The following BAG2 variants were observed in gnomAD, a reference collection of about 807,000 sequenced individuals.
BAG2 encodes the protein BAG family molecular chaperone regulator 2.
In BAG2, 8 loss-of-function variants were observed where a neutral mutation model predicts 16.4. The observed-to-expected ratio is 0.49, with a 90% CI of 0.29 to 0.88. The LOEUF is 0.88. Among genes scored for constraint, BAG2 ranks in the 40% least tolerant of loss-of-function variants. The pLI is 0.09. For synonymous variants in BAG2, 82 were observed against 89.2 expected (o/e 0.92, Z 0.46); for missense variants, 218 against 248.9 (o/e 0.88, Z 0.84).
Position 57,187,690 on chromosome 6 carries a change from AG to A in BAG2, c.*3502del, listed in dbSNP as rs1764654618. The A allele has an allele frequency of 6.6e-6, 1 of 152,188 alleles. No individual in the cohort carries two copies. Among genetic ancestry groups the A allele is most frequent in the African/African-American group, 2.4e-5 (1 of 41,452 alleles). 9.4% of individuals were successfully genotyped at this position (152,188 alleles called of 1,614,324 possible). A position where few individuals can be genotyped will look rare whatever the true frequency, so the allele number is the denominator to read the frequency against. ...GTCCTAAGGCCAACTCCCTATTCTA[AG>A]GTCTTCAGAAAAGGTCCAGTTTCCT... is the stretch of plus-strand genomic sequence containing the variant. On this transcript the variant is annotated 3_prime_UTR_variant, in exon 3 of 3. Transcript: ENST00000370693.
intron 1 of BAG2, among the ~76,000 whole-genome samples, chr6:57,179,261 ATTAG>A (rs990194321): frequency 1.3e-5 from 2 of 152,216 alleles, no homozygotes; most frequent in Non-Finnish European, 2.9e-5. Flanking sequence ...TTGCATTACT[ATTAG>A]TTAGTAGAAT....
Position 57,184,214 on chromosome 6 carries a change from A to T in BAG2, c.*24A>T. On this transcript the variant is annotated 3_prime_UTR_variant, in exon 3 of 3. Transcript: ENST00000370693. ...AGTCTTCAAACCTAAGAGCATTTACACAATACACAAGGTGTAAAAATGATA... is the reference window on the plus strand; with the variant it reads ...AGTCTTCAAACCTAAGAGCATTTACTCAATACACAAGGTGTAAAAATGATA... 1 of 1,512,850 alleles carries T rather than the reference A, an allele frequency of 6.6e-7. No individual in the cohort carries two copies. 93.7% of individuals were successfully genotyped at this position (1,512,850 alleles called of 1,614,324 possible). A position where few individuals can be genotyped will look rare whatever the true frequency, so the allele number is the denominator to read the frequency against.
rs752438009 is a variant in BAG2 at position 57,172,708 on chromosome 6, C to T, written c.11C>T (p.Ala4Val). Reference protein sequence around the residue: MAQAKINAKANEGR... With the variant: MAQVKINAKANEGR... The stretch of plus-strand genomic sequence containing the variant: ...GCGTCGGAGGCTTAGATGGCTCAGG[C>T]GAAGATCAACGCTAAAGCCAACGAG... Residue 4 changes from alanine to valine, a missense_variant, in exon 1 of 3, where the codon GCG becomes GTG. Physicochemically the swap from Ala to Val is moderately conservative, Grantham distance 64. Coordinates refer to ENST00000370693, the MANE Select transcript of BAG2 (RefSeq NM_004282.4). The T allele has an allele frequency of 8.8e-5, 138 of 1,569,320 alleles. No individual in the cohort carries two copies. The highest frequency in any genetic ancestry group is 1.1e-4 in the Non-Finnish European group (125 of 1,160,830).
Position 57,186,027 on chromosome 6 carries a change from TGGGG to T in BAG2, c.*1838_*1841del, listed in dbSNP as rs1764604084. ...CTATGATCCACATTTCCAAGCTGCTTGGGGTCCCTGGTTTACAGTGTCTCCAGCA... is the reference window on the plus strand; with the variant it reads ...CTATGATCCACATTTCCAAGCTGCTTTCCCTGGTTTACAGTGTCTCCAGCA... On this transcript the variant is annotated 3_prime_UTR_variant, in exon 3 of 3. Transcript: ENST00000370693. 6.6e-6 allele frequency: 1 copy of T among 152,142 alleles called. No homozygotes were observed. Among genetic ancestry groups the T allele is most frequent in the African/African-American group, 2.4e-5 (1 of 41,422 alleles). 9.4% of individuals were successfully genotyped at this position (152,142 alleles called of 1,614,324 possible).
intron 2 of BAG2, among the ~76,000 whole-genome samples, chr6:57,182,576 G>C: frequency 6.7e-6 from 1 of 149,676 alleles, no homozygotes. Flanking sequence ...AACATAAAGA[G>C]AAGGGACAAA....
intron 1 of BAG2, among the ~76,000 whole-genome samples, chr6:57,177,218 C>G (rs1764306359): frequency 6.6e-6 from 1 of 152,024 alleles, no homozygotes; most frequent in Non-Finnish European, 1.5e-5. Flanking sequence ...GAGTTTGAGA[C>G]CAGCCTGTCC....
Position 57,172,441 on chromosome 6 carries a change from C to A in BAG2, c.-257C>A. The stretch of plus-strand genomic sequence containing the variant: ...TCGGCCCATCCTCGAGCCCGTGTGG[C>A]TCGCGAACCTCTAACTCCAGCCGCT... On this transcript the variant is annotated 5_prime_UTR_variant, in exon 1 of 3. Transcript: ENST00000370693. 1 of 294,510 alleles carries A rather than the reference C, an allele frequency of 3.4e-6. No individual in the cohort carries two copies. The highest frequency in any genetic ancestry group is 6.3e-6 in the Non-Finnish European group (1 of 158,888). The allele number at this position is 294,510 out of a possible 1,614,324, so 18.2% of individuals were successfully genotyped here.
intron 1 of BAG2, among the ~76,000 whole-genome samples, chr6:57,176,702 C>T (rs923184786): frequency 6.6e-6 from 1 of 152,178 alleles, no homozygotes; most frequent in African/African-American, 2.4e-5. Context: ...AGGGATCATT[C>T]GTCTGGCTTA....
rs966455204 is a variant in BAG2 at position 57,184,772 on chromosome 6, A to G, written c.*582A>G. 2.6e-5 allele frequency: 4 copies of G among 152,692 alleles called. No homozygotes were observed. Among genetic ancestry groups the G allele is most frequent in the African/African-American group, 9.6e-5 (4 of 41,476 alleles). The allele number at this position is 152,692 out of a possible 1,614,324, so 9.5% of individuals were successfully genotyped here. ...ATTTTTTGATATACAAGAAACTGACATAAAATGTGAGAAAACCACCTATAA... is the reference window on the plus strand; with the variant it reads ...ATTTTTTGATATACAAGAAACTGACGTAAAATGTGAGAAAACCACCTATAA... On this transcript the variant is annotated 3_prime_UTR_variant, in exon 3 of 3. Coordinates refer to ENST00000370693, the MANE Select transcript of BAG2 (RefSeq NM_004282.4).
chr6:57,178,822 A>T (rs1255929569), intron 1 of BAG2, among the ~76,000 whole-genome samples: 1 of 152,210 alleles, frequency 6.6e-6, no homozygotes, highest in Non-Finnish European at 1.5e-5. Flanking sequence ...AAACTTTAGC[A>T]GTTCCACCTA....
chr6:57,174,119 C>T, intron 1 of BAG2: 1 of 868,442 alleles, frequency 1.2e-6, no homozygotes, highest in Non-Finnish European at 1.4e-6. Context: ...CTGACCGTTC[C>T]ACTCCCAGAA....
intron 1 of BAG2, chr6:57,174,392 T>C (rs1045160043): frequency 7.7e-7 from 1 of 1,304,048 alleles, no homozygotes; most frequent in African/African-American, 1.5e-5. Context: ...ATGCCTCACA[T>C]GTGGTAGGTA....
chr6:57,181,490 G>C (rs1196656925), intron 1 of BAG2, among the ~76,000 whole-genome samples: 3 of 152,070 alleles, frequency 2.0e-5, no homozygotes, highest in South Asian at 2.1e-4. Context: ...CCAGCAGTTT[G>C]AGACCAGCCT....
chr6:57,174,124 C>G (rs1230875727), intron 1 of BAG2: 2 of 928,476 alleles, frequency 2.2e-6, no homozygotes, highest in Non-Finnish European at 2.7e-6. Flanking sequence ...CGTTCCACTC[C>G]CAGAAAAAGT....
chr6:57,183,750 T>G (rs371050974), intron 2 of BAG2, 28 bp from the exon 3 acceptor site: 1 of 1,496,042 alleles, frequency 6.7e-7, no homozygotes, highest in Non-Finnish European at 8.9e-7. Flanking sequence ...TTGACACAGA[T>G]AAGTTTACAT....
At chr6:57,181,370 T>C (rs1385070158) in intron 1 of BAG2, among the ~76,000 whole-genome samples, 2 of 152,200 alleles carry the variant, frequency 1.3e-5, no homozygotes, top group African/African-American at 2.4e-5. Context: ...TGGAGTATTA[T>C]ACAGCAATTA....
chr6:57,187,507 C>CTCA lies in BAG2; in HGVS notation c.*3321_*3323dup, dbSNP rs1562645283. Reference sequence around the variant, plus strand: ...GGTGCCATGTGGAACAAGCTTTCACCTCATCAATGCATTTTGTTTTCAGAG... The same window carrying CTCA: ...GGTGCCATGTGGAACAAGCTTTCACCTCATCATCAATGCATTTTGTTTTCAGAG... On this transcript the variant is annotated 3_prime_UTR_variant, in exon 3 of 3. Coordinates refer to ENST00000370693, the MANE Select transcript of BAG2 (RefSeq NM_004282.4). The CTCA allele has an allele frequency of 1.3e-5, 2 of 152,086 alleles. No homozygotes were observed. The highest frequency in any genetic ancestry group is 6.6e-5 in the Admixed American group (1 of 15,266). 9.4% of individuals were successfully genotyped at this position (152,086 alleles called of 1,614,324 possible).
At chr6:57,175,798 G>A (rs1764267467) in intron 1 of BAG2, among the ~76,000 whole-genome samples, 1 of 152,152 alleles carries the variant, frequency 6.6e-6, no homozygotes, top group Non-Finnish European at 1.5e-5. Flanking sequence ...CATGTCCTTT[G>A]TAATACCCTT....
chr6:57,179,586 A>G (rs1330517192), intron 1 of BAG2, among the ~76,000 whole-genome samples: 2 of 152,132 alleles, frequency 1.3e-5, no homozygotes, highest in African/African-American at 4.8e-5. Flanking sequence ...TCTTTCATGA[A>G]CTTGTATTTC....
Sources: allele counts gnomAD v4.1 joint callset (sites outside exome capture counted in the v4.1 genomes callset), GRCh38; gene constraint gnomAD v4.1.1; transcripts MANE v1.5; gene names NCBI Gene and HGNC (gene_info 2026-07-23, HGNC 2026-07-21).